Variants in DLG2 observed in about 807,000 individuals in gnomAD.
DLG2 encodes the protein discs large MAGUK scaffold protein 2, also known as disks large homolog 2.
Under a neutral mutation model 132.5 loss-of-function variants are expected in DLG2, and 45 were observed. That is an observed-to-expected ratio of 0.34 (90% CI 0.27 to 0.44). DLG2 has a LOEUF of 0.44. DLG2 is among the 20% of genes least tolerant of loss of function. DLG2 has a pLI of 1.00. For synonymous variants in DLG2, 424 were observed against 419.6 expected, an observed-to-expected ratio of 1.01 and a Z score of -0.13; for missense variants, 1,045 against 1,196.9, an observed-to-expected ratio of 0.87 and a Z score of 1.87.
intron 9 of DLG2, among the ~76,000 whole-genome samples, chr11:84,131,475 C>A (rs1347276096): frequency 6.6e-6 from 1 of 151,924 alleles, no homozygotes; most frequent in Non-Finnish European, 1.5e-5. Context: ...CTACCATGAG[C>A]AGGAAGTTTT....
At chr11:84,807,323 G>C (rs2076107606) in intron 6 of DLG2, among the ~76,000 whole-genome samples, 1 of 152,072 alleles carries the variant, frequency 6.6e-6, no homozygotes, top group Non-Finnish European at 1.5e-5. Flanking sequence ...GTGGGTGCCT[G>C]TAATCCCAGC....
At chr11:85,012,825 T>C (rs1349434555) in intron 6 of DLG2, among the ~76,000 whole-genome samples, 1 of 152,078 alleles carries the variant, frequency 6.6e-6, no homozygotes, top group Non-Finnish European at 1.5e-5. Flanking sequence ...GATTTTGGAG[T>C]ATAAAAAACT....
At chr11:85,048,335 T>C (rs2062557782) in intron 6 of DLG2, among the ~76,000 whole-genome samples, 1 of 151,912 alleles carries the variant, frequency 6.6e-6, no homozygotes, top group African/African-American at 2.4e-5. Context: ...ATATTCCATA[T>C]GCAACACAAG....
chr11:83,868,670 T>G (rs1293956420), intron 16 of DLG2, among the ~76,000 whole-genome samples: 2 of 152,224 alleles, frequency 1.3e-5, no homozygotes, highest in South Asian at 2.1e-4. Context: ...CTTAAATATC[T>G]GTGATAAGCA....
chr11:84,435,263 G>GA (rs879499466), intron 7 of DLG2, among the ~76,000 whole-genome samples: 4 of 151,892 alleles, frequency 2.6e-5, no homozygotes, highest in Admixed American at 6.6e-5. Context: ...TGAACCCTTA[G>GA]AAAAAAATTA....
chr11:85,621,284 G>A (rs564596386), intron 2 of DLG2, among the ~76,000 whole-genome samples: 2 of 151,986 alleles, frequency 1.3e-5, no homozygotes, highest in South Asian at 4.2e-4. Context: ...TCACCCAAGA[G>A]CTCCAATGAA....
At chr11:83,557,488 A>C (rs1403002104) in intron 19 of DLG2, among the ~76,000 whole-genome samples, 1 of 152,240 alleles carries the variant, frequency 6.6e-6, no homozygotes, top group Non-Finnish European at 1.5e-5. Context: ...CTCCAATTTT[A>C]GCAGGGATAT....
At chr11:85,163,722 T>C (rs2078216293) in intron 4 of DLG2, among the ~76,000 whole-genome samples, 1 of 152,116 alleles carries the variant, frequency 6.6e-6, no homozygotes, top group African/African-American at 2.4e-5. Context: ...TCATTGAAAA[T>C]ATGGAGATAG....
At chr11:83,988,783 C>T (rs1232083778) in intron 11 of DLG2, among the ~76,000 whole-genome samples, 2 of 152,088 alleles carry the variant, frequency 1.3e-5, no homozygotes, top group South Asian at 2.1e-4. Flanking sequence ...GAGCTGGAAC[C>T]TAAGCTCCCT....
intron 4 of DLG2, among the ~76,000 whole-genome samples, chr11:85,218,128 T>C (rs543132960): frequency 8.5e-5 from 13 of 152,302 alleles, no homozygotes; most frequent in African/African-American, 3.1e-4. Flanking sequence ...TCTATCCTGT[T>C]CCATTGCTCT....
chr11:84,484,880 T>C (rs1055488284), intron 7 of DLG2, among the ~76,000 whole-genome samples: 1 of 152,186 alleles, frequency 6.6e-6, no homozygotes, highest in Non-Finnish European at 1.5e-5. Flanking sequence ...AATAACCTAC[T>C]GGGGTCTTAA....
At chr11:83,694,220 C>T (rs1363533517) in intron 18 of DLG2, among the ~76,000 whole-genome samples, 1 of 152,178 alleles carries the variant, frequency 6.6e-6, no homozygotes. Flanking sequence ...AAATGAAAAG[C>T]ATTAGCAAGG....
chr11:83,715,424 TGG>T (rs2086465576), intron 18 of DLG2, among the ~76,000 whole-genome samples: 1 of 152,166 alleles, frequency 6.6e-6, no homozygotes, highest in South Asian at 2.1e-4. Context: ...ATTCAAAACC[TGG>T]GAACGACTAT....
chr11:83,672,759 C>T (rs560823042), intron 18 of DLG2, among the ~76,000 whole-genome samples: 174 of 152,180 alleles, frequency 1.1e-3, no homozygotes, highest in Non-Finnish European at 2.1e-3. Flanking sequence ...GAAATCAAAT[C>T]CCTGTCTTCA....
intron 21 of DLG2, among the ~76,000 whole-genome samples, chr11:83,527,573 A>G (rs2095638766): frequency 6.6e-6 from 1 of 152,048 alleles, no homozygotes; most frequent in Non-Finnish European, 1.5e-5. Flanking sequence ...AGAGAGGTGT[A>G]TGTAAACTGT....
At chr11:83,830,716 T>C (rs1158925919) in intron 17 of DLG2, among the ~76,000 whole-genome samples, 2 of 152,194 alleles carry the variant, frequency 1.3e-5, no homozygotes, top group African/African-American at 4.8e-5. Flanking sequence ...CTGACTTGAG[T>C]TCAGCTTTAT....
chr11:83,469,092 A>G, intron 25 of DLG2, 109 bp downstream of exon 25: 1 of 803,170 alleles, frequency 1.2e-6, no homozygotes, highest in Non-Finnish European at 2.0e-6. Context: ...TATTAAATCA[A>G]AATTTACAAT....
At chr11:85,010,103 G>C (rs1385112221) in intron 6 of DLG2, among the ~76,000 whole-genome samples, 1 of 152,070 alleles carries the variant, frequency 6.6e-6, no homozygotes, top group Non-Finnish European at 1.5e-5. Context: ...GAGGAACGGA[G>C]CCAAAACATA....
chr11:84,896,195 T>C (rs1352448077), intron 6 of DLG2, among the ~76,000 whole-genome samples: 1 of 152,118 alleles, frequency 6.6e-6, no homozygotes, highest in African/African-American at 2.4e-5. Flanking sequence ...AATGAAAATA[T>C]GATCTTTAAT....
Sources: gnomAD v4.1 joint callset for allele counts (sites outside exome capture counted in the v4.1 genomes callset) on GRCh38, gnomAD v4.1.1 for gene constraint, MANE v1.5 for transcripts, NCBI Gene and HGNC (gene_info 2026-07-23, HGNC 2026-07-21) for gene names.